The following FARP1 variants were observed in gnomAD, a reference collection of about 807,000 sequenced individuals.
FARP1 encodes the protein FERM, ARHGEF and pleckstrin domain-containing protein 1.
A neutral mutation model predicts 128.8 loss-of-function variants in FARP1; 52 were observed. That is an observed-to-expected ratio of 0.40 (90% CI 0.32 to 0.51). The LOEUF (loss-of-function observed/expected upper bound fraction) is 0.51, where lower values mean the gene tolerates loss of function less well. Among genes scored for constraint, FARP1 ranks in the 20% least tolerant of loss-of-function variants. FARP1 has a pLI of 0.45. For synonymous variants in FARP1, 580 were observed against 551.8 expected (o/e 1.05, Z -0.72); for missense variants, 1,333 against 1,367.9 (o/e 0.97, Z 0.40).
At chr13:98,446,561 G>A (rs1246994291) in intron 25 of FARP1, 105 bp from the exon 26 acceptor site, 8 of 1,216,784 alleles carry the variant, frequency 6.6e-6, no homozygotes, top group African/African-American at 1.5e-5. Flanking sequence ...GCCCGAGGAG[G>A]GAGCTGCCTG....
At chr13:98,156,579 T>C (rs540034704) in intron 1 of FARP1, among the ~76,000 whole-genome samples, 3 of 151,884 alleles carry the variant, frequency 2.0e-5, no homozygotes, top group Admixed American at 6.6e-5. Context: ...GGCTGATTTT[T>C]AAATTTTGTG....
At chr13:98,238,571 G>C (rs1235580435) in intron 2 of FARP1, among the ~76,000 whole-genome samples, 1 of 152,172 alleles carries the variant, frequency 6.6e-6, no homozygotes, top group Non-Finnish European at 1.5e-5. Context: ...GAGGAGAAAG[G>C]CATGTCTTAC....
At chr13:98,356,853 G>A (rs1468155816) in intron 3 of FARP1, among the ~76,000 whole-genome samples, 1 of 151,586 alleles carries the variant, frequency 6.6e-6, no homozygotes. Flanking sequence ...CAGGCTGGTC[G>A]CGAACTCCTG....
chr13:98,218,704 A>G (rs1479292276), intron 2 of FARP1, among the ~76,000 whole-genome samples: 10 of 152,070 alleles, frequency 6.6e-5, no homozygotes, highest in African/African-American at 2.4e-4. Flanking sequence ...AAATGTTGTG[A>G]TTGGCCTTAT....
chr13:98,296,251 C>T (rs1157611556), intron 2 of FARP1, among the ~76,000 whole-genome samples: 1 of 152,182 alleles, frequency 6.6e-6, no homozygotes, highest in Non-Finnish European at 1.5e-5. Flanking sequence ...AGGCTCGTCA[C>T]CTTCTCCAGC....
In FARP1 at chr13:98,371,677, CTA is replaced by C. The variant is rs559083900; in HGVS notation, c.398+3484_398+3485del. On this transcript the variant is annotated intron_variant, in intron 5 of 26. Transcript: ENST00000319562. Reference sequence around the variant, plus strand: ...TCCTGTAGAAGCAAAAATGGACTGACTATTGAGATTTCAGGTGCTGTTCTTTG... The same window carrying C: ...TCCTGTAGAAGCAAAAATGGACTGACTTGAGATTTCAGGTGCTGTTCTTTG... 1.0e-3 allele frequency among the ~76,000 whole-genome samples: 153 copies of C among 152,112 alleles called. 2 individuals are homozygous for C. The highest frequency in any genetic ancestry group is 2.9e-4 in the Non-Finnish European group (20 of 68,006).
intron 18 of FARP1, chr13:98,435,050 T>G (rs1892200122): frequency 6.6e-6 from 1 of 152,366 alleles, no homozygotes; most frequent in Admixed American, 6.5e-5. Context: ...CACAACCATC[T>G]TGGTAAACAG....
chr13:98,305,807 C>T (rs1886125458), intron 2 of FARP1, among the ~76,000 whole-genome samples: 2 of 152,158 alleles, frequency 1.3e-5, no homozygotes, highest in Admixed American at 1.3e-4. Context: ...ACTGTTTCTT[C>T]TAAAACTCCA....
At chr13:98,435,407 C>T (rs1892215456) in intron 18 of FARP1, 169 bp from the exon 19 acceptor site, 1 of 621,952 alleles carries the variant, frequency 1.6e-6, no homozygotes, top group South Asian at 2.4e-5. Context: ...ACAGAAAATA[C>T]ACCATCAATT....
At chr13:98,400,704 T>A (rs2291180) in intron 13 of FARP1, 29,219 of 152,214 alleles carry the variant, frequency 0.19, 4,283 homozygotes, top group East Asian at 0.74. Context: ...CCAGAAAGAC[T>A]TTTTTTCTCT....
chr13:98,185,467 C>T (rs973803068), intron 1 of FARP1, among the ~76,000 whole-genome samples: 2 of 152,046 alleles, frequency 1.3e-5, no homozygotes. Context: ...TAAGGTTCCT[C>T]GTGATCAGAA....
At chr13:98,362,577 G>A (rs915385001) in intron 3 of FARP1, among the ~76,000 whole-genome samples, 29 of 152,164 alleles carry the variant, frequency 1.9e-4, no homozygotes, top group African/African-American at 7.2e-5. Flanking sequence ...ATTGGCCAAC[G>A]CTCATGCATT....
intron 2 of FARP1, among the ~76,000 whole-genome samples, chr13:98,223,411 C>T (rs921242126): frequency 7.9e-5 from 12 of 152,182 alleles, no homozygotes; most frequent in South Asian, 2.1e-4. Flanking sequence ...CTGCAACCTC[C>T]GCCTCCGGGG....
At chr13:98,143,983 C>T (rs1477250089) in intron 1 of FARP1, among the ~76,000 whole-genome samples, 10 of 152,100 alleles carry the variant, frequency 6.6e-5, no homozygotes, top group South Asian at 4.1e-4. Flanking sequence ...CGAGGGTTCC[C>T]GGCGGGTGAC....
At chr13:98,251,278 C>T (rs531198302) in intron 2 of FARP1, among the ~76,000 whole-genome samples, 10 of 152,268 alleles carry the variant, frequency 6.6e-5, no homozygotes, top group African/African-American at 2.4e-5. Flanking sequence ...GTGGCTAAGG[C>T]GGGGCCACAG....
chr13:98,256,885 T>C (rs1350913450), intron 2 of FARP1, among the ~76,000 whole-genome samples: 1 of 141,274 alleles, frequency 7.1e-6, no homozygotes, highest in Non-Finnish European at 1.5e-5. Flanking sequence ...TTTTTTTTTT[T>C]TACAAGGAAC....
intron 1 of FARP1, among the ~76,000 whole-genome samples, chr13:98,209,210 G>A (rs1408348012): frequency 6.6e-5 from 10 of 151,922 alleles, no homozygotes; most frequent in African/African-American, 9.7e-5. Flanking sequence ...GGGTTTCGCC[G>A]TGTTGTCCAG....
In FARP1 at chr13:98,393,624, C is replaced by G. The variant is rs375721398; in HGVS notation, c.1089-19C>G. On this transcript the variant is annotated intron_variant, in intron 11 of 26. Transcript: ENST00000319562. ...AAAAACCTCACCTAACTTTAATGAT[C>G]TTGTGTGATTTTTCCCAGGAAGCAC... The G allele has an allele frequency of 5.2e-4, 832 of 1,602,370 alleles. 3 individuals carry two copies. Among genetic ancestry groups the G allele is most frequent in the South Asian group, 1.8e-3 (167 of 90,758 alleles).
Position 98,409,450 on chromosome 13 carries a change from C to G in FARP1, c.1527C>G (p.Ala509=), listed in dbSNP as rs753577444. The G allele has an allele frequency of 2.5e-6, 4 of 1,614,036 alleles. No homozygotes were observed. Among genetic ancestry groups the G allele is most frequent in the Admixed American group, 1.7e-5 (1 of 60,006 alleles). Residue 509 remains alanine, a synonymous_variant, in exon 14 of 27, where the codon GCC becomes GCG. Coordinates refer to ENST00000319562, the MANE Select transcript of FARP1 (RefSeq NM_005766.4). ...ACCTGAGCCCCGACACCAAGCAGGC[C>G]TCTCCCTTGATCAGCCCGCTGCTGA... ...SPNLSPDTKQ[A]SPLISPLLND...
Sources: allele counts gnomAD v4.1 joint callset (sites outside exome capture counted in the v4.1 genomes callset), GRCh38; gene constraint gnomAD v4.1.1; transcripts MANE v1.5; gene names NCBI Gene and HGNC (gene_info 2026-07-23, HGNC 2026-07-21).